Variants in AFG1L observed in about 807,000 individuals in gnomAD.
The protein encoded by AFG1L is AFG1-like ATPase.
A neutral mutation model predicts 62.2 loss-of-function variants in AFG1L; 53 were observed. The ratio of observed to expected loss-of-function variants is 0.85; its 90% CI spans 0.68 to 1.07. The LOEUF (loss-of-function observed/expected upper bound fraction) is 1.07. Among genes scored for constraint, AFG1L ranks in the 50% least tolerant of loss-of-function variants. The probability of loss-of-function intolerance (pLI) is 0.00; values close to 1 mark genes in which losing one functional copy is unlikely to be tolerated. For missense variants in AFG1L, 555 were observed against 590.5 expected (o/e 0.94, Z 0.62); for synonymous variants, 228 against 210.3 (o/e 1.08, Z -0.73).
chr6:108,508,220 C>T (rs1427770960), intron 10 of AFG1L, among the ~76,000 whole-genome samples: 2 of 152,090 alleles, frequency 1.3e-5, no homozygotes, highest in Non-Finnish European at 2.9e-5. Flanking sequence ...TTCCAGAGCC[C>T]TCACTCCCAC....
At chr6:108,328,506 C>T (rs560870201) in intron 2 of AFG1L, among the ~76,000 whole-genome samples, 1 of 152,120 alleles carries the variant, frequency 6.6e-6, no homozygotes, top group African/African-American at 2.4e-5. Flanking sequence ...GCAAGCCTCA[C>T]ACCTCAGCCT....
At chr6:108,517,015 A>G (rs1457987772) in intron 11 of AFG1L, among the ~76,000 whole-genome samples, 1 of 152,236 alleles carries the variant, frequency 6.6e-6, no homozygotes, top group Non-Finnish European at 1.5e-5. Flanking sequence ...ATACAAACAA[A>G]TGGAAGAACA....
chr6:108,440,152 A>G (rs1165923728), intron 7 of AFG1L, among the ~76,000 whole-genome samples: 1 of 152,152 alleles, frequency 6.6e-6, no homozygotes, highest in Non-Finnish European at 1.5e-5. Context: ...ATAAGCATGG[A>G]TCACTTTTTC....
chr6:108,507,014 C>A (rs2114889949), intron 10 of AFG1L, among the ~76,000 whole-genome samples: 1 of 152,206 alleles, frequency 6.6e-6, no homozygotes, highest in African/African-American at 2.4e-5. Context: ...CTTATTGGAT[C>A]TGATTTTTTG....
intron 8 of AFG1L, among the ~76,000 whole-genome samples, chr6:108,460,303 G>A (rs554731102): frequency 3.4e-4 from 52 of 152,216 alleles, no homozygotes; most frequent in Non-Finnish European, 6.2e-4. Flanking sequence ...TAAAGGAGAC[G>A]TAGATAATAA....
intron 1 of AFG1L, among the ~76,000 whole-genome samples, chr6:108,315,251 T>A (rs2114257843): frequency 6.6e-6 from 1 of 152,294 alleles, no homozygotes; most frequent in East Asian, 1.9e-4. Context: ...TATATAAACT[T>A]CCTTTCTCTT....
intron 1 of AFG1L, among the ~76,000 whole-genome samples, chr6:108,315,979 T>A (rs1422001696): frequency 6.6e-6 from 1 of 152,006 alleles, no homozygotes; most frequent in Non-Finnish European, 1.5e-5. Context: ...CCTGGAAGGT[T>A]GAGGCTGCAG....
chr6:108,479,405 C>T (rs1326160627), intron 10 of AFG1L, among the ~76,000 whole-genome samples: 1 of 152,054 alleles, frequency 6.6e-6, no homozygotes, highest in Non-Finnish European at 1.5e-5. Context: ...AGGTTTGCCC[C>T]TTATCTAGAC....
At chr6:108,385,208 C>T (rs1239668226) in intron 6 of AFG1L, among the ~76,000 whole-genome samples, 1 of 152,180 alleles carries the variant, frequency 6.6e-6, no homozygotes, top group East Asian at 1.9e-4. Flanking sequence ...GAACAGGCCC[C>T]CAAAATCTGG....
At chr6:108,365,876 G>A (rs2114496898) in intron 5 of AFG1L, among the ~76,000 whole-genome samples, 1 of 152,070 alleles carries the variant, frequency 6.6e-6, no homozygotes, top group Middle Eastern at 3.4e-3. Context: ...TTGAGGGGGT[G>A]TGGGAAGCGG....
Sources: allele counts gnomAD v4.1 joint callset (sites outside exome capture counted in the v4.1 genomes callset), GRCh38; gene constraint gnomAD v4.1.1; transcripts MANE v1.5; gene names NCBI Gene and HGNC (gene_info 2026-07-23, HGNC 2026-07-21).